The following ANOS1 variants were observed in gnomAD, a reference collection of about 807,000 sequenced individuals.
ANOS1 encodes the protein anosmin-1.
ANOS1 carries 6 observed loss-of-function variants against 59.0 expected under a neutral mutation model. That is an observed-to-expected ratio of 0.10 (90% CI 0.06 to 0.20). The LOEUF is 0.20. ANOS1 is among the 10% of genes least tolerant of loss of function. The probability of loss-of-function intolerance (pLI) is 1.00; values close to 1 mark genes in which losing one functional copy is unlikely to be tolerated. For missense variants in ANOS1, 433 were observed against 542.3 expected (o/e 0.80, Z 2.00); for synonymous variants, 217 against 223.4 (o/e 0.97, Z 0.25).
At chrX:8,698,143 A>C (rs1050811250) in intron 2 of ANOS1, among the ~76,000 whole-genome samples, 2 of 112,054 alleles carry the variant, frequency 1.8e-5, no homozygotes, top group Non-Finnish European at 3.8e-5. Flanking sequence ...AGTTGGGCTT[A>C]ATTGTGACTT....
intron 2 of ANOS1, among the ~76,000 whole-genome samples, chrX:8,639,659 T>G (rs1411576597): frequency 8.9e-6 from 1 of 112,363 alleles, no homozygotes; most frequent in East Asian, 2.8e-4. Flanking sequence ...CTTACTCATT[T>G]TAAAGAGGAA....
intron 6 of ANOS1, among the ~76,000 whole-genome samples, chrX:8,578,400 T>C (rs1290281131): frequency 9.0e-6 from 1 of 110,601 alleles, no homozygotes; most frequent in African/African-American, 3.3e-5. Context: ...AAGACATATG[T>C]ACAGCCAAGC....
At chrX:8,685,773 C>T (rs1391881258) in intron 2 of ANOS1, among the ~76,000 whole-genome samples, 1 of 111,694 alleles carries the variant, frequency 9.0e-6, no homozygotes, top group East Asian at 2.8e-4. Flanking sequence ...CACTTTAAGT[C>T]ATTTTCCCCC....
At chrX:8,678,178 C>T (rs1932365376) in intron 2 of ANOS1, among the ~76,000 whole-genome samples, 1 of 112,533 alleles carries the variant, frequency 8.9e-6, no homozygotes, top group Admixed American at 9.4e-5. Context: ...TCATCCTACA[C>T]ATTGAACAGT....
chrX:8,657,157 C>T (rs1324768823), intron 2 of ANOS1, among the ~76,000 whole-genome samples: 1 of 112,625 alleles, frequency 8.9e-6, no homozygotes, highest in Non-Finnish European at 1.9e-5. Context: ...ACTCTGGACA[C>T]TTGAGCTCAG....
At chrX:8,660,380 T>C (rs752826296) in intron 2 of ANOS1, among the ~76,000 whole-genome samples, 1 of 111,885 alleles carries the variant, frequency 8.9e-6, no homozygotes, top group South Asian at 3.8e-4. Flanking sequence ...TTCTCCCTGA[T>C]GAGTTATTAA....
intron 4 of ANOS1, among the ~76,000 whole-genome samples, chrX:8,592,417 C>T (rs1313988074): frequency 1.8e-5 from 2 of 111,845 alleles, no homozygotes; most frequent in African/African-American, 3.2e-5. Flanking sequence ...TGAAAAGAAA[C>T]AGACTGAAGT....
At chrX:8,690,945 G>A (rs1167518532) in intron 2 of ANOS1, among the ~76,000 whole-genome samples, 1 of 111,655 alleles carries the variant, frequency 9.0e-6, no homozygotes, top group African/African-American at 3.3e-5. Context: ...AGTGAGTTCT[G>A]GCACTCAAAG....
At chrX:8,725,011 G>C (rs1437629324) in intron 1 of ANOS1, among the ~76,000 whole-genome samples, 1 of 111,723 alleles carries the variant, frequency 9.0e-6, no homozygotes, top group Non-Finnish European at 1.9e-5. Flanking sequence ...AAAGTTGAAA[G>C]GTAGCTGACT....
chrX:8,730,722 C>A (rs1422449542), intron 1 of ANOS1, among the ~76,000 whole-genome samples: 1 of 111,861 alleles, frequency 8.9e-6, no homozygotes, highest in Non-Finnish European at 1.9e-5. Context: ...CCAGAGTTTC[C>A]CTGAAGCGAG....
chrX:8,710,107 T>C (rs1932803304), intron 1 of ANOS1, among the ~76,000 whole-genome samples: 1 of 110,778 alleles, frequency 9.0e-6, no homozygotes. Context: ...ATTTTTTGTA[T>C]TTTTAGTAGA....
At chrX:8,640,631 GTTT>G (rs1293138238) in intron 2 of ANOS1, among the ~76,000 whole-genome samples, 12 of 100,259 alleles carry the variant, frequency 1.2e-4, no homozygotes, top group African/African-American at 4.1e-4. Flanking sequence ...CGCATTTCTT[GTTT>G]TTTTTTTCTC....
intron 2 of ANOS1, among the ~76,000 whole-genome samples, chrX:8,678,280 A>G (rs1310109658): frequency 8.9e-6 from 1 of 112,293 alleles, no homozygotes; most frequent in East Asian, 2.8e-4. Context: ...TACGTTACTT[A>G]AAGTCCCAAA....
chrX:8,568,155 TC>T, intron 8 of ANOS1, 76 bp downstream of exon 8: 1 of 1,028,554 alleles, frequency 9.7e-7, no homozygotes, highest in Non-Finnish European at 1.4e-6. Context: ...AAACTCACTC[TC>T]CCTCCATTGT....
intron 1 of ANOS1, among the ~76,000 whole-genome samples, chrX:8,722,859 A>T (rs1932884967): frequency 8.9e-6 from 1 of 112,016 alleles, no homozygotes; most frequent in Admixed American, 9.5e-5. Context: ...ATCCATGTCA[A>T]CATCTATTAT....
intron 3 of ANOS1, among the ~76,000 whole-genome samples, chrX:8,615,994 G>A (rs1355077293): frequency 3.6e-5 from 4 of 109,763 alleles, no homozygotes; most frequent in Non-Finnish European, 7.6e-5. Flanking sequence ...TTAAATGTTT[G>A]ATTACCTTGT....
At chrX:8,693,159 T>G (rs972385) in intron 2 of ANOS1, among the ~76,000 whole-genome samples, 41,255 of 111,571 alleles carry the variant, frequency 0.37, 5,607 homozygotes, top group East Asian at 0.61. Flanking sequence ...AAAAATAGAA[T>G]GTAAGAATAA....
intron 3 of ANOS1, among the ~76,000 whole-genome samples, chrX:8,614,444 T>C (rs934769917): frequency 2.7e-5 from 3 of 111,543 alleles, no homozygotes; most frequent in South Asian, 3.8e-4. Context: ...TTACCTACTA[T>C]TGATCCACAG....
chrX:8,722,970 T>A (rs1177742223), intron 1 of ANOS1, among the ~76,000 whole-genome samples: 1 of 112,236 alleles, frequency 8.9e-6, no homozygotes, highest in African/African-American at 3.2e-5. Flanking sequence ...AAGGACACCC[T>A]ATTCAACAAA....
Sources: allele counts gnomAD v4.1 joint callset (sites outside exome capture counted in the v4.1 genomes callset), GRCh38; gene constraint gnomAD v4.1.1; transcripts MANE v1.5; gene names NCBI Gene and HGNC (gene_info 2026-07-23, HGNC 2026-07-21).